ZNF140: variants seen among roughly 807,000 people sequenced by gnomAD.
ZNF140 encodes zinc finger protein 140 (clone pHZ-39).
Under a neutral mutation model 12.9 loss-of-function variants are expected in ZNF140, and 13 were observed. That is an observed-to-expected ratio of 1.01 (90% CI 0.66 to 1.60). The LOEUF (loss-of-function observed/expected upper bound fraction) is 1.60. Among genes scored for constraint, ZNF140 ranks in the 40% most tolerant of loss-of-function variants. The pLI is 0.00. For synonymous variants in ZNF140, 214 were observed against 186.7 expected (o/e 1.15, Z -1.19); for missense variants, 531 against 548.8 (o/e 0.97, Z 0.32).
chr12:133,106,606 T>G lies in ZNF140; in HGVS notation c.1329T>G (p.Tyr443Ter). ...ACACTCTTGACAACCCCTATGAATA[T>G]GAAAATTCATTTAATTACCACTCAT... ...RTHTLDNPYEYENSFNYHSFL... is the reference protein window; with the variant it reads ...RTHTLDNPYE Residue 443 changes from tyrosine to a stop codon, truncating the protein, a stop_gained, in exon 5 of 5, where the codon TAT becomes TAG. Coordinates refer to ENST00000355557, the MANE Select transcript of ZNF140 (RefSeq NM_003440.4). LOFTEE classifies it low-confidence loss of function (END_TRUNC). 1 of 1,606,192 alleles carries G rather than the reference T, an allele frequency of 6.2e-7. No individual in the cohort carries two copies. Among genetic ancestry groups the G allele is most frequent in the Non-Finnish European group, 8.5e-7 (1 of 1,177,794 alleles).
At position 133,105,697 on chromosome 12, in the gene ZNF140, AAC is replaced by A; in HGVS notation, c.422_423del (p.Thr141SerfsTer24). The A allele has an allele frequency of 6.2e-7, 1 of 1,614,204 alleles. No homozygotes were observed. The highest frequency in any genetic ancestry group is 8.5e-7 in the Non-Finnish European group (1 of 1,180,030). On this transcript the variant is annotated frameshift_variant, in exon 5 of 5. Coordinates refer to ENST00000355557, the MANE Select transcript of ZNF140 (RefSeq NM_003440.4). LOFTEE classifies it low-confidence loss of function (END_TRUNC). Reference sequence around the variant, plus strand: ...AAAATCAGGGATGTATTAGGAAAGTAACAGTCTCTCATCAAGAAGCCCTGGCT... The same window carrying A: ...AAAATCAGGGATGTATTAGGAAAGTAAGTCTCTCATCAAGAAGCCCTGGCT... The part of the protein sequence containing the change: ...QENQGCIRKV[T>X]VSHQEALAQH...
At position 133,093,819 on chromosome 12, in the gene ZNF140, A is replaced by C. The variant is rs796462790; in HGVS notation, c.232+10258A>C. Reference sequence around the variant, plus strand: ...CTCTTCCTCTCTCTCTCTCTCACACACTTTATCTCCAGTTTCACTTTCTGT... The same window carrying C: ...CTCTTCCTCTCTCTCTCTCTCACACCCTTTATCTCCAGTTTCACTTTCTGT... On this transcript the variant is annotated intron_variant, in intron 4 of 4. Transcript: ENST00000355557. Among the ~76,000 whole-genome samples the C allele has an allele frequency of 4.1e-4, 61 of 150,046 alleles. 3 individuals carry two copies. The highest frequency in any genetic ancestry group is 3.0e-5 in the Non-Finnish European group (2 of 67,604).
Position 133,106,861 on chromosome 12 carries a change from TAAC to T in ZNF140, c.*213_*215del. 2.4e-6 allele frequency: 1 copy of T among 422,846 alleles called. No homozygotes were observed. The allele number at this position is 422,846 out of a possible 1,614,324, so 26.2% of individuals were successfully genotyped here. A position where few individuals can be genotyped will look rare whatever the true frequency, so the allele number is the denominator to read the frequency against. ...TAACCACTCTTTTATTTTTTTGCAA[TAAC>T]AAGGTGAAATCAATATTGTTGAGAA... On this transcript the variant is annotated 3_prime_UTR_variant, in exon 5 of 5. Transcript: ENST00000355557.
At chr12:133,104,966 T>C (rs1955534215) in intron 4 of ZNF140, among the ~76,000 whole-genome samples, 2 of 152,192 alleles carry the variant, frequency 1.3e-5, no homozygotes, top group Admixed American at 6.5e-5. Context: ...CACCCTCAAA[T>C]AGGTCCCAGA....
rs1593734785 is a variant in ZNF140, at chr12:133,081,371, A to ATATATATAT, written c.9+42_9+43insTATATATAT. ...TAAATATATATATATATATATATATAAATTTTTATTTTTTTTTTAAGAGAG... is the reference window on the plus strand; with the variant it reads ...TAAATATATATATATATATATATATATATATATATAATTTTTATTTTTTTTTTAAGAGAG... On this transcript the variant is annotated intron_variant, in intron 2 of 4. Coordinates refer to ENST00000355557, the MANE Select transcript of ZNF140 (RefSeq NM_003440.4). 935 of 251,492 alleles carry ATATATATAT rather than the reference A, an allele frequency of 3.7e-3. 34 individuals carry two copies. The highest frequency in any genetic ancestry group is 0.01 in the African/African-American group (368 of 35,514). The allele number at this position is 251,492 out of a possible 1,614,324, so 15.6% of individuals were successfully genotyped here.
chr12:133,099,329 A>C (rs1348524448), intron 4 of ZNF140, among the ~76,000 whole-genome samples: 1 of 151,556 alleles, frequency 6.6e-6, no homozygotes, highest in East Asian at 1.9e-4. Flanking sequence ...GGTGCACACC[A>C]CCACGTCCGG....
chr12:133,095,550 A>T (rs1267379163), intron 4 of ZNF140, among the ~76,000 whole-genome samples: 2 of 151,700 alleles, frequency 1.3e-5, no homozygotes, highest in Non-Finnish European at 2.9e-5. Flanking sequence ...GAAAGAAGAC[A>T]CAGAGACAAA....
chr12:133,083,687 C>T (rs771478945), intron 4 of ZNF140, 126 bp downstream of exon 4: 12 of 868,064 alleles, frequency 1.4e-5, no homozygotes, highest in South Asian at 3.7e-5. Flanking sequence ...ACGCTAGGCA[C>T]GGTGGCTCAT....
chr12:133,096,008 C>A (rs979840859), intron 4 of ZNF140, among the ~76,000 whole-genome samples: 5 of 151,092 alleles, frequency 3.3e-5, no homozygotes, highest in African/African-American at 7.3e-5. Flanking sequence ...CTGCAAGAGG[C>A]TTTCCTCTTT....
At chr12:133,081,534 C>G in intron 2 of ZNF140, 1 of 457,148 alleles carries the variant, frequency 2.2e-6, no homozygotes, top group Middle Eastern at 3.4e-4. Flanking sequence ...TTTTTCAGGA[C>G]TTGGGACGTG....
intron 2 of ZNF140, 134 bp from the exon 3 acceptor site, chr12:133,082,969 C>G: frequency 7.4e-7 from 1 of 1,347,212 alleles, no homozygotes; most frequent in Non-Finnish European, 1.0e-6. Flanking sequence ...TATAATTACT[C>G]AGAATTCTGA....
intron 4 of ZNF140, among the ~76,000 whole-genome samples, chr12:133,096,937 C>G (rs1368439224): frequency 6.6e-6 from 1 of 152,230 alleles, no homozygotes; most frequent in African/African-American, 2.4e-5. Flanking sequence ...CTGTCCAGTT[C>G]TGAAAGAGGG....
chr12:133,098,672 TTA>T (rs1323504150), intron 4 of ZNF140, among the ~76,000 whole-genome samples: 1 of 152,192 alleles, frequency 6.6e-6, no homozygotes, highest in Non-Finnish European at 1.5e-5. Flanking sequence ...TTCATTTCAC[TTA>T]TATGTAAGCT....
rs2137597814 is a variant in ZNF140 at position 133,106,519 on chromosome 12, A to G, written c.1242A>G (p.Val414=). ...QRTHTGEKPY[V]CKVCNKSFSW... is the part of the protein sequence containing the mutation. ...CTCATACTGGAGAGAAACCCTATGT[A>G]TGTAAGGTATGCAACAAATCCTTCA... The change falls in exon 5 of 5, where the codon GTA becomes GTG. Residue 414 remains valine (V), a synonymous_variant. Transcript: ENST00000355557. The G allele has an allele frequency of 6.2e-7, 1 of 1,614,090 alleles. No homozygotes were observed. Among genetic ancestry groups the G allele is most frequent in the Non-Finnish European group, 8.5e-7 (1 of 1,180,002 alleles).
At position 133,089,775 on chromosome 12, in the gene ZNF140, T is replaced by G. The variant is rs1954794766; in HGVS notation, c.232+6214T>G. Among the ~76,000 whole-genome samples the G allele has an allele frequency of 2.0e-5, 3 of 152,314 alleles. No individual in the cohort carries two copies. The South Asian group carries it at 6.2e-4, about 32-fold the overall frequency. On this transcript the variant is annotated intron_variant, in intron 4 of 4. Transcript: ENST00000355557. ...CTGGCTAGAGGCTTATTGATTTTAA[T>G]TATCTTTTCAGAGAACTAGGTTGAT...
chr12:133,090,614 A>G lies in ZNF140; in HGVS notation c.232+7053A>G, dbSNP rs796504315. Among the ~76,000 whole-genome samples, 229 of 150,672 alleles carry G rather than the reference A, an allele frequency of 1.5e-3. 2 individuals carry two copies. Among genetic ancestry groups the G allele is most frequent in the African/African-American group, 5.2e-3 (212 of 41,128 alleles). ...AAGAGACTGAGAAAAGAAAGAAGAC[A>G]CAGAGACAAAGTATAGAGAAACAAC... On this transcript the variant is annotated intron_variant, in intron 4 of 4. Transcript: ENST00000355557.
chr12:133,086,959 A>G (rs1954696435), intron 4 of ZNF140, among the ~76,000 whole-genome samples: 1 of 152,210 alleles, frequency 6.6e-6, no homozygotes, highest in East Asian at 1.9e-4. Context: ...CTAGGTTCTC[A>G]ATTCTCTTTC....
At chr12:133,100,501 T>C (rs1028121693) in intron 4 of ZNF140, among the ~76,000 whole-genome samples, 15 of 152,160 alleles carry the variant, frequency 9.9e-5, no homozygotes, top group East Asian at 1.9e-4. Context: ...TAAGCACTTA[T>C]GCACTTGTGG....
intron 4 of ZNF140, among the ~76,000 whole-genome samples, chr12:133,105,200 G>A (rs1955545679): frequency 6.6e-6 from 1 of 152,212 alleles, no homozygotes; most frequent in African/African-American, 2.4e-5. Flanking sequence ...AATTCTGGCA[G>A]TAAATACCGT....
Sources: gnomAD v4.1 joint callset for allele counts (sites outside exome capture counted in the v4.1 genomes callset) on GRCh38, gnomAD v4.1.1 for gene constraint, MANE v1.5 for transcripts, NCBI Gene and HGNC (gene_info 2026-07-23, HGNC 2026-07-21) for gene names.